Variants in PLBD1 observed in about 807,000 individuals in gnomAD.
PLBD1 encodes the protein phospholipase B domain containing 1.
In PLBD1, 60 loss-of-function variants were observed where a neutral mutation model predicts 63.0. That is an observed-to-expected ratio of 0.95 (90% confidence interval 0.77 to 1.18). The LOEUF (loss-of-function observed/expected upper bound fraction) is 1.18, where lower values mean the gene tolerates loss of function less well. Among genes scored for constraint, PLBD1 ranks in the 50% most tolerant of loss-of-function variants. PLBD1 has a pLI of 0.00. For synonymous variants in PLBD1, 262 were observed against 248.0 expected (o/e 1.06, Z -0.53); for missense variants, 598 against 677.9 (o/e 0.88, Z 1.31).
intron 4 of PLBD1, among the ~76,000 whole-genome samples, chr12:14,538,582 C>A (rs1057443510): frequency 1.3e-5 from 2 of 152,128 alleles, no homozygotes; most frequent in African/African-American, 4.8e-5. Context: ...CAAGTGGTTT[C>A]TAGTCTTTTG....
intron 8 of PLBD1, 102 bp downstream of exon 8, chr12:14,511,158 A>G (rs894310856): frequency 2.1e-4 from 170 of 797,112 alleles, no homozygotes; most frequent in Non-Finnish European, 5.7e-5. Context: ...CTTCCCCACC[A>G]TACCCTCCCC....
intron 6 of PLBD1, among the ~76,000 whole-genome samples, chr12:14,533,860 A>G (rs1422851922): frequency 5.3e-5 from 8 of 152,240 alleles, no homozygotes; most frequent in African/African-American, 1.9e-4. Flanking sequence ...AATTCCTGAT[A>G]GGGGCCGGAC....
At chr12:14,522,892 A>C (rs554773365) in intron 6 of PLBD1, among the ~76,000 whole-genome samples, 1 of 152,232 alleles carries the variant, frequency 6.6e-6, no homozygotes, top group East Asian at 1.9e-4. Context: ...TATATGACAA[A>C]TTCACAGCTA....
intron 2 of PLBD1, among the ~76,000 whole-genome samples, chr12:14,545,892 T>G (rs1280499003): frequency 6.6e-6 from 1 of 152,220 alleles, no homozygotes; most frequent in Non-Finnish European, 1.5e-5. Context: ...TAGTTTATGC[T>G]GTCACATACC....
intron 10 of PLBD1, 103 bp from the exon 11 acceptor site, chr12:14,504,057 C>CA: frequency 8.7e-7 from 1 of 1,148,804 alleles, no homozygotes; most frequent in Non-Finnish European, 1.2e-6. Context: ...ACAATATTAG[C>CA]TTTTTTTTTG....
chr12:14,521,186 C>G (rs1383776125), intron 6 of PLBD1, among the ~76,000 whole-genome samples: 1 of 152,144 alleles, frequency 6.6e-6, no homozygotes, highest in African/African-American at 2.4e-5. Context: ...GGCACAGCAC[C>G]TCAACCTCAA....
chr12:14,555,438 G>A (rs897107730), intron 1 of PLBD1, among the ~76,000 whole-genome samples: 1 of 152,190 alleles, frequency 6.6e-6, no homozygotes, highest in Admixed American at 6.5e-5. Flanking sequence ...ACGGGAGGCT[G>A]AGGCAGGAGA....
At chr12:14,519,121 T>C (rs11832771) in intron 6 of PLBD1, among the ~76,000 whole-genome samples, 1,963 of 152,296 alleles carry the variant, frequency 0.013, 36 homozygotes, top group African/African-American at 0.045. Context: ...TTGGTTAAGA[T>C]GGAGTATGAG....
chr12:14,520,517 G>A (rs1945366498), intron 6 of PLBD1, among the ~76,000 whole-genome samples: 1 of 151,760 alleles, frequency 6.6e-6, no homozygotes. Flanking sequence ...CTGACTAGAG[G>A]TGCCTAACAT....
At chr12:14,552,416 T>C (rs1945666534) in intron 2 of PLBD1, among the ~76,000 whole-genome samples, 1 of 152,220 alleles carries the variant, frequency 6.6e-6, no homozygotes, top group Non-Finnish European at 1.5e-5. Context: ...TTTAGACTCA[T>C]TATACTTTCA....
At position 14,567,712 on chromosome 12, in the gene PLBD1, AC is replaced by A. The variant is rs768113860; in HGVS notation, c.-17del. On this transcript the variant is annotated 5_prime_UTR_variant, in exon 1 of 11. Transcript: ENST00000240617. The stretch of plus-strand genomic sequence containing the variant: ...CGCGGGTCATCGCTCCACGGCCGCG[AC>A]CTTCCTCTGCGGGATCAGGCGGCCG... 3.5e-6 allele frequency: 5 copies of A among 1,416,706 alleles called. No individual in the cohort carries two copies. Among genetic ancestry groups the A allele is most frequent in the Non-Finnish European group, 4.5e-6 (5 of 1,099,342 alleles). The allele number at this position is 1,416,706 out of a possible 1,614,324, so 87.8% of individuals were successfully genotyped here.
rs373931696 is a variant in PLBD1, at chr12:14,535,753, C to T, written c.750G>A (p.Thr250=). ...NILFAHSSWY[T]YAAMLRIYKH... ...TATATATCCTGAGCATGGCTGCATACGTGTACCAGCTTGAGTGAGCAAAAA... is the reference window on the plus strand; with the variant it reads ...TATATATCCTGAGCATGGCTGCATATGTGTACCAGCTTGAGTGAGCAAAAA... Residue 250 remains threonine (T), a synonymous_variant, in exon 6 of 11, where the codon ACG becomes ACA. Transcript: ENST00000240617. 2.0e-5 allele frequency: 32 copies of T among 1,613,826 alleles called. No homozygotes were observed. The highest frequency in any genetic ancestry group is 5.5e-5 in the South Asian group (5 of 91,052).
intron 6 of PLBD1, among the ~76,000 whole-genome samples, chr12:14,516,514 A>G (rs1945337989): frequency 6.6e-6 from 1 of 152,126 alleles, no homozygotes; most frequent in Admixed American, 6.5e-5. Context: ...ATTTCTATGG[A>G]TGACACTGCA....
intron 1 of PLBD1, among the ~76,000 whole-genome samples, chr12:14,556,659 G>A (rs868862674): frequency 2.0e-5 from 3 of 151,300 alleles, no homozygotes; most frequent in Admixed American, 6.6e-5. Context: ...ATGAGCCACC[G>A]TGCCTGGCCA....
chr12:14,543,949 T>C (rs1592005928), intron 2 of PLBD1, among the ~76,000 whole-genome samples: 1 of 151,936 alleles, frequency 6.6e-6, no homozygotes, highest in East Asian at 1.9e-4. Flanking sequence ...ATAATTTAAA[T>C]GGTTATAACA....
intron 6 of PLBD1, among the ~76,000 whole-genome samples, chr12:14,531,750 C>T (rs1312702805): frequency 1.3e-5 from 2 of 152,164 alleles, no homozygotes; most frequent in Non-Finnish European, 2.9e-5. Flanking sequence ...TCAGCCTCAG[C>T]CTCCCAAATA....
At position 14,542,236 on chromosome 12, in the gene PLBD1, T is replaced by G. The variant is rs140876500; in HGVS notation, c.391A>C (p.Ile131Leu). 2.9e-4 allele frequency: 468 copies of G among 1,610,042 alleles called. 12 individuals carry two copies. In the South Asian group the frequency reaches 4.6e-3, roughly 16 times the overall value. Reference sequence around the variant, plus strand: ...ATAAAATCCTGCACTTTATCCATGATGGAAGGTTTCGTGATCAGCTGTGGG... The same window carrying G: ...ATAAAATCCTGCACTTTATCCATGAGGGAAGGTTTCGTGATCAGCTGTGGG... ...LYPQLITKPS[I>L]MDKVQDFMEK... The change falls in exon 3 of 11, where the codon ATC (isoleucine) becomes CTC (leucine). Residue 131 changes from isoleucine (I) to leucine (L), a missense_variant. Transcript: ENST00000240617.
At chr12:14,518,690 C>T (rs1320993408) in intron 6 of PLBD1, among the ~76,000 whole-genome samples, 1 of 152,120 alleles carries the variant, frequency 6.6e-6, no homozygotes. Flanking sequence ...TTCTTTCTTC[C>T]TTCCTTCTTT....
chr12:14,535,609 A>T (rs1945506136), intron 6 of PLBD1, 50 bp downstream of exon 6: 2 of 1,592,542 alleles, frequency 1.3e-6, no homozygotes, highest in Admixed American at 1.7e-5. Flanking sequence ...CTAAGGTTTT[A>T]TCCAGGAATA....
Sources: allele counts gnomAD v4.1 joint callset (sites outside exome capture counted in the v4.1 genomes callset), GRCh38; gene constraint gnomAD v4.1.1; transcripts MANE v1.5; gene names NCBI Gene and HGNC (gene_info 2026-07-23, HGNC 2026-07-21).